The following ATF7IP variants were observed in gnomAD, a reference collection of about 807,000 sequenced individuals.
The protein encoded by ATF7IP is activating transcription factor 7 interacting protein.
ATF7IP carries 23 observed loss-of-function variants against 106.4 expected under a neutral mutation model. That is an observed-to-expected ratio of 0.22 (90% confidence interval 0.16 to 0.31). ATF7IP has a LOEUF of 0.31. Ranked by LOEUF, ATF7IP falls within the 10% of genes least tolerant of loss-of-function variation. ATF7IP has a pLI of 1.00. For synonymous variants in ATF7IP, 542 were observed against 539.0 expected (o/e 1.01, Z -0.08); for missense variants, 1,334 against 1,524.3 (o/e 0.88, Z 2.08).
At chr12:14,438,016 G>A (rs1942491020) in intron 4 of ATF7IP, 114 bp from the exon 5 acceptor site, 9 of 942,496 alleles carry the variant, frequency 9.5e-6, no homozygotes, top group Non-Finnish European at 1.2e-5. Flanking sequence ...TCCTGCCACT[G>A]CACTCCAGCC....
At chr12:14,370,167 C>T (rs936868661) in intron 1 of ATF7IP, among the ~76,000 whole-genome samples, 1 of 152,126 alleles carries the variant, frequency 6.6e-6, no homozygotes, top group Non-Finnish European at 1.5e-5. Context: ...AACTTCCTAC[C>T]TCAGGTGATC....
chr12:14,447,369 C>T (rs1416288806), intron 6 of ATF7IP, among the ~76,000 whole-genome samples: 2 of 150,100 alleles, frequency 1.3e-5, no homozygotes, highest in East Asian at 3.9e-4. Flanking sequence ...GCAACCTCTG[C>T]CTCATGGGTT....
chr12:14,433,453 C>T (rs568111696), intron 2 of ATF7IP, among the ~76,000 whole-genome samples: 2 of 152,100 alleles, frequency 1.3e-5, no homozygotes, highest in East Asian at 1.9e-4. Context: ...TGCAGTGAGC[C>T]GAGATTGCGC....
At chr12:14,456,706 C>A in intron 7 of ATF7IP, 72 bp downstream of exon 7, 1 of 1,102,218 alleles carries the variant, frequency 9.1e-7, no homozygotes, top group Non-Finnish European at 1.4e-6. Context: ...GTCAAAGAAT[C>A]TTGCAGTGTA....
chr12:14,451,347 G>A (rs1228656342), intron 6 of ATF7IP, among the ~76,000 whole-genome samples: 1 of 151,710 alleles, frequency 6.6e-6, no homozygotes, highest in Admixed American at 6.6e-5. Flanking sequence ...CAACTTTTAA[G>A]TTTTGTTTTT....
chr12:14,384,463 C>T (rs1939127512), intron 1 of ATF7IP, among the ~76,000 whole-genome samples: 1 of 152,000 alleles, frequency 6.6e-6, no homozygotes, highest in South Asian at 2.1e-4. Context: ...ATCAGGGTGC[C>T]TATAATTCTT....
Position 14,496,387 on chromosome 12 carries a change from G to A in ATF7IP, c.3393+44G>A, listed in dbSNP as rs1379081671. 8 of 1,281,730 alleles carry A rather than the reference G, an allele frequency of 6.2e-6. No individual in the cohort carries two copies. The Admixed American group carries it at 1.1e-4, about 17-fold the overall frequency. The allele number at this position is 1,281,730 out of a possible 1,614,324, so 79.4% of individuals were successfully genotyped here. A position where few individuals can be genotyped will look rare whatever the true frequency, so the allele number is the denominator to read the frequency against. ...TTTTGCAAAATTCTCAACTGTAGAGGTATAAAATATTATTGTATTTGGCAT... is the reference window on the plus strand; with the variant it reads ...TTTTGCAAAATTCTCAACTGTAGAGATATAAAATATTATTGTATTTGGCAT... On this transcript the variant is annotated intron_variant, in intron 14 of 14. Coordinates refer to ENST00000261168, the MANE Select transcript of ATF7IP (RefSeq NM_018179.5).
At chr12:14,414,615 C>T (rs1487094417) in intron 1 of ATF7IP, among the ~76,000 whole-genome samples, 1 of 152,154 alleles carries the variant, frequency 6.6e-6, no homozygotes, top group Non-Finnish European at 1.5e-5. Flanking sequence ...TGGTCTTTTA[C>T]CTCTGCCACA....
chr12:14,498,090 AT>A lies in ATF7IP; in HGVS notation c.*21del. On this transcript the variant is annotated 3_prime_UTR_variant, in exon 15 of 15. Transcript: ENST00000261168. ...AGCAGTTAAACCTTGGAGCCTTTAT[AT>A]TTTCCTCTTTTAAAATTTCCACCTT... The A allele has an allele frequency of 6.5e-7, 1 of 1,534,488 alleles. No individual in the cohort carries two copies. The highest frequency in any genetic ancestry group is 8.8e-7 in the Non-Finnish European group (1 of 1,140,114).
chr12:14,481,014 G>A lies in ATF7IP; in HGVS notation c.3109G>A (p.Val1037Met), dbSNP rs1565548887. The A allele has an allele frequency of 1.9e-6, 3 of 1,613,420 alleles. No individual in the cohort carries two copies. Among genetic ancestry groups the A allele is most frequent in the Non-Finnish European group, 8.5e-7 (1 of 1,179,814 alleles). ...IHLLPTAPTT[V>M]NVTHRPVTQV... The stretch of plus-strand genomic sequence containing the variant: ...CTGCCTTGCATTAGCTCCAACTACC[G>A]TGAATGTAACACATCGTCCAGTAAC... Residue 1037 changes from valine (V) to methionine (M), a missense_variant, in exon 13 of 15, where the codon GTG (valine) becomes ATG (methionine). Transcript: ENST00000261168.
intron 1 of ATF7IP, among the ~76,000 whole-genome samples, chr12:14,385,769 A>G (rs747999093): frequency 3.9e-5 from 6 of 152,118 alleles, no homozygotes; most frequent in Non-Finnish European, 7.4e-5. Flanking sequence ...TAAAGGATCC[A>G]TAAGTAAGCC....
chr12:14,438,130 G>A lies in ATF7IP; in HGVS notation c.1792G>A (p.Val598Ile), dbSNP rs201415676. Residue 598 changes from valine to isoleucine, a missense_variant and splice_region_variant, in exon 5 of 15, where the codon GTT (valine) becomes ATT (isoleucine). This residue lies in a region of ATF7IP where 22 missense variants were observed against 47.4 expected (regional missense o/e 0.46). Transcript: ENST00000261168. ...KGDINQKLQKVIQWLLEEKLC... is the reference protein window; with the variant it reads ...KGDINQKLQKIIQWLLEEKLC... ...AATGAAGGAATATTTGTTTCTTTAG[G>A]TTATACAGTGGTTGCTGGAAGAAAA... The A allele has an allele frequency of 1.9e-6, 3 of 1,612,608 alleles. No individual in the cohort carries two copies. The highest frequency in any genetic ancestry group is 2.5e-6 in the Non-Finnish European group (3 of 1,179,698).
intron 10 of ATF7IP, among the ~76,000 whole-genome samples, chr12:14,470,652 G>A (rs1032629490): frequency 5.3e-5 from 8 of 152,170 alleles, no homozygotes; most frequent in African/African-American, 1.9e-4. Context: ...GCTAGAGCTA[G>A]TACTTACCAC....
At chr12:14,430,104 A>G (rs761644708) in intron 2 of ATF7IP, among the ~76,000 whole-genome samples, 4 of 152,172 alleles carry the variant, frequency 2.6e-5, no homozygotes, top group African/African-American at 7.2e-5. Context: ...GGTTGGGGAG[A>G]TAAGGAAGAA....
chr12:14,468,147 A>G (rs1943900247), intron 10 of ATF7IP, among the ~76,000 whole-genome samples: 2 of 151,746 alleles, frequency 1.3e-5, no homozygotes, highest in East Asian at 1.9e-4. Flanking sequence ...GGCACCTGTA[A>G]TCCCAGCTAC....
intron 10 of ATF7IP, among the ~76,000 whole-genome samples, chr12:14,473,008 C>T (rs1188970119): frequency 6.6e-6 from 1 of 151,886 alleles, no homozygotes; most frequent in African/African-American, 2.4e-5. Context: ...AGTGAATCCG[C>T]AAGAGAAAAA....
Position 14,379,269 on chromosome 12 carries a change from G to A in ATF7IP, c.-8+13442G>A, listed in dbSNP as rs1026048810. On this transcript the variant is annotated intron_variant, in intron 1 of 14. Transcript: ENST00000261168. ...TGTTCTTGCCTCTGCCATGTGATGT[G>A]CATGCTCCCCCTTTGCCTTCCATCA... Among the ~76,000 whole-genome samples the A allele has an allele frequency of 5.3e-5, 8 of 152,056 alleles. No individual in the cohort carries two copies. The South Asian group carries it at 1.5e-3, about 28-fold the overall frequency.
intron 1 of ATF7IP, among the ~76,000 whole-genome samples, chr12:14,378,043 A>T (rs906557946): frequency 2.6e-5 from 4 of 152,008 alleles, no homozygotes; most frequent in Non-Finnish European, 5.9e-5. Flanking sequence ...GTATTTAATC[A>T]TTGGTCTAAG....
intron 6 of ATF7IP, among the ~76,000 whole-genome samples, chr12:14,451,401 A>G (rs1943196001): frequency 1.3e-5 from 2 of 150,868 alleles, no homozygotes; most frequent in African/African-American, 2.4e-5. Context: ...CCTAATTTTC[A>G]TTATTTCTTT....
Sources: allele counts gnomAD v4.1 joint callset (sites outside exome capture counted in the v4.1 genomes callset), GRCh38; gene constraint gnomAD v4.1.1; regional missense constraint gnomAD v4.1.1; transcripts MANE v1.5; gene names NCBI Gene and HGNC (gene_info 2026-07-23, HGNC 2026-07-21).